The following GFI1 variants were observed in gnomAD, a reference collection of about 807,000 sequenced individuals.
GFI1 encodes the protein zinc finger protein Gfi-1.
GFI1 carries 15 observed loss-of-function variants against 39.2 expected under a neutral mutation model. That is an observed-to-expected ratio of 0.38 (90% CI 0.26 to 0.59). The LOEUF is 0.59. GFI1 is among the 20% of genes least tolerant of loss of function. The pLI, the probability that GFI1 is intolerant of heterozygous loss-of-function variation, is 0.62. For synonymous variants in GFI1, 239 were observed against 254.3 expected, an observed-to-expected ratio of 0.94 and a Z score of 0.57; for missense variants, 475 against 574.0, an observed-to-expected ratio of 0.83 and a Z score of 1.76.
In GFI1 at chr1:92,482,554, G is replaced by T. The variant is rs534411770; in HGVS notation, c.298+310C>A. Among the ~76,000 whole-genome samples, 1 of 152,302 alleles carries T rather than the reference G, an allele frequency of 6.6e-6. No homozygotes were observed. Among genetic ancestry groups the T allele is most frequent in the East Asian group, 1.9e-4 (1 of 5,168 alleles). ...AAACAGTCAGGTCTGGTCAGAAAATGAAAGGTCAGCGTTGCCGCCAGTCGA... is the reference window on the plus strand; with the variant it reads ...AAACAGTCAGGTCTGGTCAGAAAATTAAAGGTCAGCGTTGCCGCCAGTCGA... On this transcript the variant is annotated intron_variant, in intron 3 of 6. Transcript: ENST00000294702. This position sits in a 1 kb window ranked among gnomAD's most constrained non-coding sequence, Gnocchi z 4.4.
intron 1 of GFI1, among the ~76,000 whole-genome samples, chr1:92,485,485 C>G (rs1407634922): frequency 6.6e-6 from 1 of 152,194 alleles, no homozygotes; most frequent in Non-Finnish European, 1.5e-5. Context: ...GCCGCCTCCC[C>G]ACCCGGGCTG....
In GFI1 at chr1:92,480,211, C is replaced by T; in HGVS notation, c.924+137G>A. On this transcript the variant is annotated intron_variant, in intron 5 of 6. Coordinates refer to ENST00000294702, the MANE Select transcript of GFI1 (RefSeq NM_005263.5). This position sits in a 1 kb window ranked among gnomAD's most constrained non-coding sequence, Gnocchi z 5.6. ...ACACACCTGCACCAGGGCAAGGGGA[C>T]GCAGCGGAGGGCTTGGGGGAGGAAA... 1 of 962,924 alleles carries T rather than the reference C, an allele frequency of 1.0e-6. No homozygotes were observed. Among genetic ancestry groups the T allele is most frequent in the African/African-American group, 1.6e-5 (1 of 62,334 alleles). The allele number at this position is 962,924 out of a possible 1,614,324, so 59.6% of individuals were successfully genotyped here. A position where few individuals can be genotyped will look rare whatever the true frequency, so the allele number is the denominator to read the frequency against.
Position 92,483,066 on chromosome 1 carries a change from GA to G in GFI1, c.116-21del, listed in dbSNP as rs1658353729. The G allele has an allele frequency of 1.3e-6, 2 of 1,564,320 alleles. No homozygotes were observed. Among genetic ancestry groups the G allele is most frequent in the South Asian group, 2.4e-5 (2 of 84,894 alleles). ...TGCTGTCTGCAAAGAGGAGGCAGGT[GA>G]GGGGCTCAGGCTGGGACCGGTTGAG... On this transcript the variant is annotated intron_variant, in intron 2 of 6. Transcript: ENST00000294702.
chr1:92,475,869 G>A lies in GFI1; in HGVS notation c.*160C>T, dbSNP rs757541020. On this transcript the variant is annotated 3_prime_UTR_variant, in exon 7 of 7. Transcript: ENST00000294702. ...CTCATTTCTTCTGGCAGCTCCAGGAGGTAAGGCGAAGGAGGAGCAACCTGG... is the reference window on the plus strand; with the variant it reads ...CTCATTTCTTCTGGCAGCTCCAGGAAGTAAGGCGAAGGAGGAGCAACCTGG... 3.0e-6 allele frequency: 2 copies of A among 673,416 alleles called. No individual in the cohort carries two copies. Among genetic ancestry groups the A allele is most frequent in the Non-Finnish European group, 5.3e-6 (2 of 376,580 alleles). 41.7% of individuals were successfully genotyped at this position (673,416 alleles called of 1,614,324 possible).
At position 92,480,514 on chromosome 1, in the gene GFI1, C is replaced by G. The variant is rs759229534; in HGVS notation, c.787-29G>C. The G allele has an allele frequency of 1.9e-6, 3 of 1,548,418 alleles. No individual in the cohort carries two copies. Among genetic ancestry groups the G allele is most frequent in the Non-Finnish European group, 2.6e-6 (3 of 1,145,922 alleles). On this transcript the variant is annotated intron_variant, in intron 4 of 6. Transcript: ENST00000294702. This position sits in a 1 kb window ranked among gnomAD's most constrained non-coding sequence, Gnocchi z 5.6. ...AGGCGGGTGGGGCCAGAGAGAAGGC[C>G]GCTGAGAGGGGCCGCGGGGCGCAGG...
chr1:92,478,907 C>A (rs1658094820), intron 5 of GFI1, among the ~76,000 whole-genome samples, 154 bp from the exon 6 acceptor site: 1 of 152,120 alleles, frequency 6.6e-6, no homozygotes, highest in East Asian at 1.9e-4. Flanking sequence ...CCTCTGTCGC[C>A]CAGGCTTGAG....
In GFI1 at chr1:92,475,985, C is replaced by G; in HGVS notation, c.*44G>C. 6.3e-7 allele frequency: 1 copy of G among 1,585,842 alleles called. No individual in the cohort carries two copies. Among genetic ancestry groups the G allele is most frequent in the Non-Finnish European group, 8.6e-7 (1 of 1,157,644 alleles). On this transcript the variant is annotated 3_prime_UTR_variant, in exon 7 of 7. Coordinates refer to ENST00000294702, the MANE Select transcript of GFI1 (RefSeq NM_005263.5). Reference sequence around the variant, plus strand: ...AGTGGTGGCAAGCAGGGAGGCTGCCCTCTGTAGTGTTGTGTAGCTGCTGCT... The same window carrying G: ...AGTGGTGGCAAGCAGGGAGGCTGCCGTCTGTAGTGTTGTGTAGCTGCTGCT...
intron 1 of GFI1, 51 bp from the exon 2 acceptor site, chr1:92,483,637 C>T: frequency 2.9e-6 from 2 of 684,822 alleles, no homozygotes; most frequent in South Asian, 1.5e-5. Context: ...CTCTCCGGTG[C>T]GGCGGACTGG....
intron 1 of GFI1, chr1:92,486,100 T>TA (rs112925059): frequency 0.12 from 17,955 of 146,634 alleles, 1,261 homozygotes; most frequent in Middle Eastern, 0.17. Flanking sequence ...CTCTCTGACT[T>TA]AAAAAAAAAA....
intron 1 of GFI1, among the ~76,000 whole-genome samples, chr1:92,485,750 G>A (rs374420030): frequency 6.6e-6 from 1 of 152,230 alleles, no homozygotes; most frequent in Non-Finnish European, 1.5e-5. Context: ...CTCCCCACCA[G>A]ATGTTTCCTT....
In GFI1 at chr1:92,481,304, C is replaced by A. The variant is rs573528394; in HGVS notation, c.299-216G>T. Among the ~76,000 whole-genome samples the A allele has an allele frequency of 2.0e-5, 3 of 152,324 alleles. No individual in the cohort carries two copies. The East Asian group carries it at 5.8e-4, about 29-fold the overall frequency. ...ATAGGAGGCAGAACAGTAAACAGAT[C>A]ATTGAAAAGACCTCGGGAGAGGAGG... is the stretch of plus-strand genomic sequence containing the variant. On this transcript the variant is annotated intron_variant, in intron 3 of 6. Coordinates refer to ENST00000294702, the MANE Select transcript of GFI1 (RefSeq NM_005263.5). This position sits in a 1 kb window ranked among gnomAD's most constrained non-coding sequence, Gnocchi z 4.3.
rs1189703122 is a variant in GFI1 at position 92,475,995 on chromosome 1, T to C, written c.*34A>G. ...AGCAGGGAGGCTGCCCTCTGTAGTG[T>C]TGTGTAGCTGCTGCTTGCAGCCAGC... On this transcript the variant is annotated 3_prime_UTR_variant, in exon 7 of 7. Coordinates refer to ENST00000294702, the MANE Select transcript of GFI1 (RefSeq NM_005263.5). 1 of 1,604,328 alleles carries C rather than the reference T, an allele frequency of 6.2e-7. No individual in the cohort carries two copies. The highest frequency in any genetic ancestry group is 1.3e-5 in the African/African-American group (1 of 74,884).
rs540256601 is a variant in GFI1 at position 92,481,318 on chromosome 1, C to T, written c.299-230G>A. 6.6e-6 allele frequency among the ~76,000 whole-genome samples: 1 copy of T among 152,200 alleles called. No individual in the cohort carries two copies. The highest frequency in any genetic ancestry group is 2.4e-5 in the African/African-American group (1 of 41,454). On this transcript the variant is annotated intron_variant, in intron 3 of 6. Transcript: ENST00000294702. This position sits in a 1 kb window ranked among gnomAD's most constrained non-coding sequence, Gnocchi z 4.3. ...AGTAAACAGATCATTGAAAAGACCTCGGGAGAGGAGGTCGTAAATTCTGTG... is the reference window on the plus strand; with the variant it reads ...AGTAAACAGATCATTGAAAAGACCTTGGGAGAGGAGGTCGTAAATTCTGTG...
At position 92,473,177 on chromosome 1, in the gene GFI1, C is replaced by CAAA. The variant is rs55814509; in HGVS notation, c.*2849_*2851dup. The stretch of plus-strand genomic sequence containing the variant: ...GGGGATATCAAGATACATTTTTTAC[C>CAAA]AAAAAAAAAAAAAAAAGGCATACAG... On this transcript the variant is annotated 3_prime_UTR_variant, in exon 7 of 7. Coordinates refer to ENST00000294702, the MANE Select transcript of GFI1 (RefSeq NM_005263.5). 3.2e-4 allele frequency among the ~76,000 whole-genome samples: 35 copies of CAAA among 108,978 alleles called. No individual in the cohort carries two copies. The highest frequency in any genetic ancestry group is 6.9e-4 in the African/African-American group (21 of 30,644). The allele number at this position is 108,978 out of a possible 152,430, so 71.5% of individuals were successfully genotyped here.
Position 92,482,895 on chromosome 1 carries a change from G to C in GFI1, c.267C>G (p.Phe89Leu). The change falls in exon 3 of 7, where the codon TTC becomes TTG. Residue 89 changes from phenylalanine (F) to leucine (L), a missense_variant. Physicochemically the swap from Phe to Leu is conservative, Grantham distance 22. This residue lies in a region of GFI1 where 275 missense variants were observed against 275.8 expected (regional missense o/e 1.00). Transcript: ENST00000294702. This position sits in a 1 kb window ranked among gnomAD's most constrained non-coding sequence, Gnocchi z 4.4. ...ACGCGGAGGGTGACGGGGGCCTCCA[G>C]AAGTCCTCAAACTCCGAGCTCCGTT... is the stretch of plus-strand genomic sequence containing the variant. The part of the protein sequence containing the change: ...VCERSSEFED[F>L]WRPPSPSASP... 1 of 1,614,144 alleles carries C rather than the reference G, an allele frequency of 6.2e-7. No individual in the cohort carries two copies. Among genetic ancestry groups the C allele is most frequent in the Non-Finnish European group, 8.5e-7 (1 of 1,180,008 alleles).
chr1:92,480,579 G>C lies in GFI1; in HGVS notation c.786+22C>G. On this transcript the variant is annotated intron_variant, in intron 4 of 6. Transcript: ENST00000294702. The surrounding 1 kb of genome is among the most constrained non-coding windows in gnomAD (Gnocchi z 5.6). Reference sequence around the variant, plus strand: ...GGGAAGCGGGCGCACGGCAGGCGAGGTGGTGAGCTCGGGAGCCTCACCTTG... The same window carrying C: ...GGGAAGCGGGCGCACGGCAGGCGAGCTGGTGAGCTCGGGAGCCTCACCTTG... The C allele has an allele frequency of 6.5e-7, 1 of 1,541,184 alleles. No individual in the cohort carries two copies. Among genetic ancestry groups the C allele is most frequent in the Non-Finnish European group, 8.7e-7 (1 of 1,146,038 alleles).
intron 6 of GFI1, 62 bp downstream of exon 6, chr1:92,478,526 G>T: frequency 7.1e-7 from 1 of 1,412,356 alleles, no homozygotes; most frequent in South Asian, 1.2e-5. Flanking sequence ...CCAGAAATCA[G>T]AGAAGATGAG....
Position 92,475,827 on chromosome 1 carries a change from G to C in GFI1, c.*202C>G. The stretch of plus-strand genomic sequence containing the variant: ...AGTCACTTGGTTCTCACTCTCGGCT[G>C]CACTTTGAAAAGGTACCTCATTTCT... On this transcript the variant is annotated 3_prime_UTR_variant, in exon 7 of 7. Coordinates refer to ENST00000294702, the MANE Select transcript of GFI1 (RefSeq NM_005263.5). The C allele has an allele frequency of 4.9e-6, 3 of 610,138 alleles. No individual in the cohort carries two copies. Among genetic ancestry groups the C allele is most frequent in the Non-Finnish European group, 8.8e-6 (3 of 339,422 alleles). 37.8% of individuals were successfully genotyped at this position (610,138 alleles called of 1,614,324 possible). A position where few individuals can be genotyped will look rare whatever the true frequency, so the allele number is the denominator to read the frequency against.
chr1:92,479,948 C>G (rs908927515), intron 5 of GFI1, among the ~76,000 whole-genome samples: 1 of 152,078 alleles, frequency 6.6e-6, no homozygotes, highest in Non-Finnish European at 1.5e-5. Context: ...AGCTGAGATT[C>G]CTGCCTTTTC....
Sources: gnomAD v4.1 joint callset for allele counts (sites outside exome capture counted in the v4.1 genomes callset) on GRCh38, gnomAD v4.1.1 for gene constraint, gnomAD v4.1.1 regional missense constraint, Gnocchi (gnomAD v3.1) non-coding constraint, MANE v1.5 for transcripts, NCBI Gene and HGNC (gene_info 2026-07-23, HGNC 2026-07-21) for gene names.